Variants in CDC16 observed in about 807,000 individuals in gnomAD.
The protein encoded by CDC16 is cell division cycle 16.
A neutral mutation model predicts 87.0 loss-of-function variants in CDC16; 34 were observed. That is an observed-to-expected ratio of 0.39 (90% confidence interval 0.30 to 0.52). CDC16 has a LOEUF of 0.52. Ranked by LOEUF, CDC16 falls within the 20% of genes least tolerant of loss-of-function variation. The pLI, the probability that CDC16 is intolerant of heterozygous loss-of-function variation, is 0.74. For synonymous variants in CDC16, 263 were observed against 260.6 expected, an observed-to-expected ratio of 1.01 and a Z score of -0.09; for missense variants, 653 against 751.9, an observed-to-expected ratio of 0.87 and a Z score of 1.54.
chr13:114,248,725 T>C (rs1017107505), intron 11 of CDC16, among the ~76,000 whole-genome samples: 1 of 152,048 alleles, frequency 6.6e-6, no homozygotes, highest in South Asian at 2.1e-4. Context: ...GTCATACTCA[T>C]ATAGCAGGAT....
chr13:114,242,544 T>G (rs529195857), intron 6 of CDC16: 3 of 375,728 alleles, frequency 8.0e-6, no homozygotes, highest in African/African-American at 6.3e-5. Flanking sequence ...GATTTCAGTA[T>G]CTCATGCAGT....
rs8809 is a variant in CDC16, at chr13:114,265,239, T to C, written c.1602T>C (p.Ile534=). 0.25 allele frequency: 397,798 copies of C among 1,570,906 alleles called. 56,793 individuals are homozygous for C. Among genetic ancestry groups the C allele is most frequent in the African/African-American group, 0.6 (44,290 of 73,756 alleles). The change falls in exon 17 of 18, where the codon ATT becomes ATC. Residue 534 remains isoleucine (I), a splice_region_variant and synonymous_variant. Coordinates refer to ENST00000356221, the MANE Select transcript of CDC16 (RefSeq NM_001078645.3). ...EMYIGDSEAY[I]GADIKDKLKC... is the part of the protein sequence containing the mutation. ...ACATTGGTGATTCTGAAGCTTATATTGGTAAGATAATCGTTATTCTTATTG... is the reference window on the plus strand; with the variant it reads ...ACATTGGTGATTCTGAAGCTTATATCGGTAAGATAATCGTTATTCTTATTG...
chr13:114,257,051 AAT>A, intron 12 of CDC16, 25 bp from the exon 13 acceptor site: 2 of 1,482,496 alleles, frequency 1.3e-6, no homozygotes, highest in Non-Finnish European at 1.8e-6. Context: ...TTTGGTGTTG[AAT>A]ATGTGAAATT....
At position 114,242,164 on chromosome 13, in the gene CDC16, C is replaced by T. The variant is rs1265311063; in HGVS notation, c.425C>T (p.Ala142Val). 4 of 1,613,652 alleles carry T rather than the reference C, an allele frequency of 2.5e-6. No homozygotes were observed. The South Asian group carries it at 3.3e-5, about 13-fold the overall frequency. ...ICLLRGKIYD[A>V]LDNRTLATYS... is the part of the protein sequence containing the mutation. ...CTTCTACGCGGGAAAATCTATGATG[C>T]TCTAGATAACCGAACCCTGGCTACC... is the stretch of plus-strand genomic sequence containing the variant. The change falls in exon 6 of 18, where the codon GCT becomes GTT. Residue 142 changes from alanine (A) to valine (V), a missense_variant. By Grantham distance (64) the Ala-to-Val change is moderately conservative. Coordinates refer to ENST00000356221, the MANE Select transcript of CDC16 (RefSeq NM_001078645.3).
intron 17 of CDC16, among the ~76,000 whole-genome samples, chr13:114,271,697 G>A (rs2083680495): frequency 6.6e-6 from 1 of 151,800 alleles, no homozygotes; most frequent in African/African-American, 2.4e-5. Flanking sequence ...TAGCCAGGAT[G>A]GTCTCGATCT....
Position 114,262,955 on chromosome 13 carries a change from A to AT in CDC16, c.1455dup (p.Gly486TrpfsTer11). On this transcript the variant is annotated frameshift_variant, in exon 16 of 18. Coordinates refer to ENST00000356221, the MANE Select transcript of CDC16 (RefSeq NM_001078645.3). LOFTEE classifies it high-confidence loss of function. ...TCAGAACGCATCCACCTACTCTGCT[A>AT]TTGGATATATCCACAGTCTGATGGG... 1 of 1,612,962 alleles carries AT rather than the reference A, an allele frequency of 6.2e-7. No individual in the cohort carries two copies. The highest frequency in any genetic ancestry group is 1.3e-5 in the African/African-American group (1 of 75,026).
intron 12 of CDC16, among the ~76,000 whole-genome samples, chr13:114,251,258 G>T (rs981937148): frequency 6.6e-6 from 1 of 152,130 alleles, no homozygotes; most frequent in African/African-American, 2.4e-5. Context: ...CCAGAGGCCT[G>T]GTCTGGAGTC....
chr13:114,266,264 A>G (rs982512432), intron 17 of CDC16, among the ~76,000 whole-genome samples: 3 of 152,200 alleles, frequency 2.0e-5, no homozygotes, highest in Non-Finnish European at 2.9e-5. Context: ...GGTTTCTCCT[A>G]AAACGGGGTC....
At chr13:114,235,916 T>A (rs1011269186) in intron 1 of CDC16, among the ~76,000 whole-genome samples, 1 of 152,228 alleles carries the variant, frequency 6.6e-6, no homozygotes, top group Non-Finnish European at 1.5e-5. Context: ...AGGCCCGGTT[T>A]CCAGCCAGAG....
intron 9 of CDC16, among the ~76,000 whole-genome samples, chr13:114,245,178 A>G (rs2138930013): frequency 6.6e-6 from 1 of 152,068 alleles, no homozygotes; most frequent in Middle Eastern, 3.4e-3. Context: ...TTAGTTCTTT[A>G]TCACTGCTTC....
At chr13:114,253,399 T>C (rs549979306) in intron 12 of CDC16, among the ~76,000 whole-genome samples, 1 of 152,228 alleles carries the variant, frequency 6.6e-6, no homozygotes, top group East Asian at 1.9e-4. Context: ...TTTAAATTTA[T>C]TGAGGCTGGC....
intron 11 of CDC16, among the ~76,000 whole-genome samples, chr13:114,249,239 G>A (rs908377852): frequency 6.6e-6 from 1 of 151,824 alleles, no homozygotes; most frequent in African/African-American, 2.4e-5. Flanking sequence ...TAGGGTTTGC[G>A]CACTTACGAG....
chr13:114,238,882 A>G, intron 3 of CDC16, 108 bp from the exon 4 acceptor site: 4 of 1,396,252 alleles, frequency 2.9e-6, no homozygotes, highest in Non-Finnish European at 3.9e-6. Context: ...CTGCAAGAGT[A>G]AAAGGAGAAA....
intron 12 of CDC16, among the ~76,000 whole-genome samples, chr13:114,256,770 T>G (rs2082527213): frequency 6.6e-6 from 1 of 152,134 alleles, no homozygotes; most frequent in African/African-American, 2.4e-5. Flanking sequence ...GGCATGACAT[T>G]AGCATCAAGG....
chr13:114,264,282 T>A (rs534705618), intron 16 of CDC16: 1 of 152,470 alleles, frequency 6.6e-6, no homozygotes, highest in South Asian at 2.1e-4. Flanking sequence ...GCGCGGTGGC[T>A]CACGCCTGTA....
At chr13:114,257,371 A>C in intron 13 of CDC16, 141 bp downstream of exon 13, 1 of 600,900 alleles carries the variant, frequency 1.7e-6, no homozygotes, top group Non-Finnish European at 2.7e-6. Context: ...GGAGATAGAA[A>C]AAAAAGAGAG....
At position 114,272,684 on chromosome 13, in the gene CDC16, CT is replaced by C. The variant is rs898849751; in HGVS notation, c.*250del. 3.5e-4 allele frequency: 123 copies of C among 354,058 alleles called. No individual in the cohort carries two copies. Among genetic ancestry groups the C allele is most frequent in the Non-Finnish European group, 4.4e-4 (87 of 198,304 alleles). The allele number at this position is 354,058 out of a possible 1,614,324, so 21.9% of individuals were successfully genotyped here. ...AAAGAAGGTAAACCATCTGTTATGT[CT>C]TTTTTTTTCTTTTCCAATAAACTTT... On this transcript the variant is annotated 3_prime_UTR_variant, in exon 18 of 18. Transcript: ENST00000356221.
At position 114,257,153 on chromosome 13, in the gene CDC16, C is replaced by G. The variant is rs980847833; in HGVS notation, c.1173C>G (p.Phe391Leu). Reference sequence around the variant, plus strand: ...ACTCAAAACTAGCTGAAAGGTTCTTCAGCCAAGCTCTGAGCATTGCACCGG... The same window carrying G: ...ACTCAAAACTAGCTGAAAGGTTCTTGAGCCAAGCTCTGAGCATTGCACCGG... ...TNNSKLAERF[F>L]SQALSIAPED... The change falls in exon 13 of 18, where the codon TTC becomes TTG. Residue 391 changes from phenylalanine to leucine, a missense_variant. Coordinates refer to ENST00000356221, the MANE Select transcript of CDC16 (RefSeq NM_001078645.3). 2.5e-6 allele frequency: 4 copies of G among 1,613,012 alleles called. No homozygotes were observed. Among genetic ancestry groups the G allele is most frequent in the Non-Finnish European group, 3.4e-6 (4 of 1,179,214 alleles).
intron 5 of CDC16, 64 bp downstream of exon 5, chr13:114,239,554 A>G: frequency 1.4e-6 from 2 of 1,420,416 alleles, no homozygotes; most frequent in South Asian, 1.9e-5. Flanking sequence ...ACGTGGCAGA[A>G]ACACATTATC....
Sources: allele counts gnomAD v4.1 joint callset (sites outside exome capture counted in the v4.1 genomes callset), GRCh38; gene constraint gnomAD v4.1.1; transcripts MANE v1.5; gene names NCBI Gene and HGNC (gene_info 2026-07-23, HGNC 2026-07-21).